The following SLC7A11 variants were observed in gnomAD, a reference collection of about 807,000 sequenced individuals.
SLC7A11 encodes solute carrier family 7 member 11, also known as cystine/glutamate transporter.
A neutral mutation model predicts 54.5 loss-of-function variants in SLC7A11; 35 were observed. The ratio of observed to expected loss-of-function variants is 0.64; its 90% CI spans 0.49 to 0.85. The LOEUF (loss-of-function observed/expected upper bound fraction) is 0.85. Among genes scored for constraint, SLC7A11 ranks in the 40% least tolerant of loss-of-function variants. The pLI is 0.00. For synonymous variants in SLC7A11, 230 were observed against 225.2 expected (o/e 1.02, Z -0.19); for missense variants, 583 against 618.1 (o/e 0.94, Z 0.60).
chr4:138,222,178 C>A (rs1737830780), intron 4 of SLC7A11, among the ~76,000 whole-genome samples: 1 of 152,160 alleles, frequency 6.6e-6, no homozygotes, highest in Non-Finnish European at 1.5e-5. Context: ...CTAAAATCTC[C>A]CACTAGGCTT....
intron 8 of SLC7A11, among the ~76,000 whole-genome samples, chr4:138,182,869 T>G (rs1736781119): frequency 6.6e-6 from 1 of 152,142 alleles, no homozygotes; most frequent in Admixed American, 6.6e-5. Context: ...GGGTGGTGAT[T>G]TCTGATGTCT....
intron 2 of SLC7A11, among the ~76,000 whole-genome samples, chr4:138,233,037 G>A (rs1282762017): frequency 2.0e-5 from 3 of 151,778 alleles, no homozygotes; most frequent in African/African-American, 7.3e-5. Flanking sequence ...AATAAATTCA[G>A]GTATATAGAA....
In SLC7A11 at chr4:138,168,130, A is replaced by G. The variant is rs1736314485; in HGVS notation, c.*3826T>C. ...ACAATGCAGATTTTGTGGGGGTAGA[A>G]GTGTACACAACTTTGCTGGTCTTCT... On this transcript the variant is annotated 3_prime_UTR_variant, in exon 12 of 12. Transcript: ENST00000280612. 2 of 152,178 alleles carry G rather than the reference A, an allele frequency of 1.3e-5. No homozygotes were observed. Among genetic ancestry groups the G allele is most frequent in the South Asian group, 2.1e-4 (1 of 4,830 alleles). The allele number at this position is 152,178 out of a possible 1,614,324, so 9.4% of individuals were successfully genotyped here.
chr4:138,235,938 C>A (rs553046913), intron 2 of SLC7A11, among the ~76,000 whole-genome samples: 1 of 152,228 alleles, frequency 6.6e-6, no homozygotes, highest in African/African-American at 2.4e-5. Context: ...AGTTAAATGC[C>A]TTAATGATAT....
chr4:138,174,752 G>C (rs1736527123), intron 11 of SLC7A11: 1 of 152,188 alleles, frequency 6.6e-6, no homozygotes, highest in Admixed American at 6.5e-5. Context: ...TTAAATAAAG[G>C]TGTGTTAATG....
chr4:138,166,031 C>T lies in SLC7A11; in HGVS notation c.*5925G>A, dbSNP rs536423745. The stretch of plus-strand genomic sequence containing the variant: ...TCATTTAACATAGATCGTTTCTAGT[C>T]GAGTATGAGCATACATTCATGGGAA... On this transcript the variant is annotated 3_prime_UTR_variant, in exon 12 of 12. Transcript: ENST00000280612. The T allele has an allele frequency of 3.9e-5, 6 of 152,088 alleles. No individual in the cohort carries two copies. Among genetic ancestry groups the T allele is most frequent in the East Asian group, 3.9e-4 (2 of 5,176 alleles). 9.4% of individuals were successfully genotyped at this position (152,088 alleles called of 1,614,324 possible). A position where few individuals can be genotyped will look rare whatever the true frequency, so the allele number is the denominator to read the frequency against.
In SLC7A11 at chr4:138,242,096, AAC is replaced by A. The variant is rs747726154; in HGVS notation, c.-29_-28del. The stretch of plus-strand genomic sequence containing the variant: ...GTAGGGACACACGGGGGAAAAATAA[AAC>A]AGAGGGAAAGAAAACAAAACTTTCA... On this transcript the variant is annotated 5_prime_UTR_variant, in exon 1 of 12. Coordinates refer to ENST00000280612, the MANE Select transcript of SLC7A11 (RefSeq NM_014331.4). 6.2e-7 allele frequency: 1 copy of A among 1,606,664 alleles called. No individual in the cohort carries two copies. The highest frequency in any genetic ancestry group is 1.7e-5 in the Admixed American group (1 of 58,768).
At position 138,219,340 on chromosome 4, in the gene SLC7A11, G is replaced by C. The variant is rs6838248; in HGVS notation, c.672C>G (p.Ala224=). 0.46 allele frequency: 731,738 copies of C among 1,596,728 alleles called. 175,072 individuals carry two copies. The highest frequency in any genetic ancestry group is 0.63 in the Middle Eastern group (3,818 of 6,026). ...TAATACTTGAATCTCTTCCTGAAAA[G>C]GCGTCTTTAAAGTTCTGCGTTTGAC... The part of the protein sequence containing the change: ...IKGQTQNFKD[A]FSGRDSSITR... Residue 224 remains alanine (A), a synonymous_variant, in exon 5 of 12, where the codon GCC becomes GCG. Coordinates refer to ENST00000280612, the MANE Select transcript of SLC7A11 (RefSeq NM_014331.4).
At position 138,242,060 on chromosome 4, in the gene SLC7A11, T is replaced by C; in HGVS notation, c.10A>G (p.Lys4Glu). The change falls in exon 1 of 12, where the codon AAG (lysine) becomes GAG (glutamate). Residue 4 changes from lysine to glutamate, a missense_variant. Coordinates refer to ENST00000280612, the MANE Select transcript of SLC7A11 (RefSeq NM_014331.4). ...TTGGAGATGGTGGACACAACAGGCT[T>C]TCTGACCATAGTAGGGACACACGGG... Reference protein sequence around the residue: MVRKPVVSTISKGG... With the variant: MVREPVVSTISKGG... 2 of 1,614,060 alleles carry C rather than the reference T, an allele frequency of 1.2e-6. No individual in the cohort carries two copies. Among genetic ancestry groups the C allele is most frequent in the Non-Finnish European group, 1.7e-6 (2 of 1,179,944 alleles).
chr4:138,217,585 G>A (rs1406578324), intron 5 of SLC7A11, among the ~76,000 whole-genome samples: 2 of 152,190 alleles, frequency 1.3e-5, no homozygotes, highest in Admixed American at 6.5e-5. Context: ...AATATTTTAA[G>A]ATGGCATGGG....
chr4:138,239,389 TA>T (rs997555762), intron 1 of SLC7A11, among the ~76,000 whole-genome samples: 4 of 151,162 alleles, frequency 2.6e-5, no homozygotes, highest in South Asian at 2.1e-4. Context: ...ACCCTTCACT[TA>T]AAAAAAAAGT....
At chr4:138,215,921 A>G (rs769416982) in intron 5 of SLC7A11, among the ~76,000 whole-genome samples, 42 of 152,352 alleles carry the variant, frequency 2.8e-4, no homozygotes, top group Non-Finnish European at 4.6e-4. Context: ...GAAAGAAAAT[A>G]TTTATGAAAA....
chr4:138,195,174 C>T (rs185866416), intron 6 of SLC7A11, among the ~76,000 whole-genome samples: 6 of 152,296 alleles, frequency 3.9e-5, no homozygotes, highest in Non-Finnish European at 8.8e-5. Flanking sequence ...GATCTGTTCA[C>T]TCTTCTGCAT....
chr4:138,180,322 C>G (rs1033634637), intron 10 of SLC7A11, among the ~76,000 whole-genome samples: 2 of 152,076 alleles, frequency 1.3e-5, no homozygotes, highest in African/African-American at 4.8e-5. Context: ...TAAAGACAGA[C>G]AGAAGTAGCC....
Position 138,166,588 on chromosome 4 carries a change from T to C in SLC7A11, c.*5368A>G, listed in dbSNP as rs1056682613. Reference sequence around the variant, plus strand: ...TGTTGAGGAAAAAAAGCATGTTCACTCTGGAACAAAGTTGGCCCTCTATGG... The same window carrying C: ...TGTTGAGGAAAAAAAGCATGTTCACCCTGGAACAAAGTTGGCCCTCTATGG... On this transcript the variant is annotated 3_prime_UTR_variant, in exon 12 of 12. Coordinates refer to ENST00000280612, the MANE Select transcript of SLC7A11 (RefSeq NM_014331.4). 3 of 152,640 alleles carry C rather than the reference T, an allele frequency of 2.0e-5. No individual in the cohort carries two copies. Among genetic ancestry groups the C allele is most frequent in the Non-Finnish European group, 4.4e-5 (3 of 68,040 alleles). 9.5% of individuals were successfully genotyped at this position (152,640 alleles called of 1,614,324 possible). A position where few individuals can be genotyped will look rare whatever the true frequency, so the allele number is the denominator to read the frequency against.
chr4:138,193,080 C>T (rs145350176), intron 6 of SLC7A11, among the ~76,000 whole-genome samples: 2 of 152,152 alleles, frequency 1.3e-5, no homozygotes, highest in Non-Finnish European at 2.9e-5. Context: ...CACACACAAC[C>T]AGGCCCCATC....
chr4:138,202,074 T>C (rs1024729154), intron 6 of SLC7A11, among the ~76,000 whole-genome samples: 1 of 152,116 alleles, frequency 6.6e-6, no homozygotes, highest in Non-Finnish European at 1.5e-5. Flanking sequence ...CAATCCCATA[T>C]GTCTATGCTC....
chr4:138,206,453 A>C (rs1737408519), intron 6 of SLC7A11, among the ~76,000 whole-genome samples: 1 of 151,394 alleles, frequency 6.6e-6, no homozygotes, highest in South Asian at 2.1e-4. Context: ...CAATGAGATT[A>C]AAATTAGAAC....
At chr4:138,203,297 T>C (rs1737331813) in intron 6 of SLC7A11, among the ~76,000 whole-genome samples, 1 of 152,148 alleles carries the variant, frequency 6.6e-6, no homozygotes, top group South Asian at 2.1e-4. Flanking sequence ...ATAATCCTTT[T>C]TATCTCTATT....
Sources: gnomAD v4.1 joint callset for allele counts (sites outside exome capture counted in the v4.1 genomes callset) on GRCh38, gnomAD v4.1.1 for gene constraint, MANE v1.5 for transcripts, NCBI Gene and HGNC (gene_info 2026-07-23, HGNC 2026-07-21) for gene names.